Variants in CAMKMT observed in about 807,000 individuals in gnomAD.
CAMKMT encodes the protein CaM KMT.
In CAMKMT, 53 loss-of-function variants were observed where a neutral mutation model predicts 48.0. The observed-to-expected ratio is 1.10, with a 90% CI of 0.89 to 1.39. The LOEUF (loss-of-function observed/expected upper bound fraction) is 1.39, where lower values mean the gene tolerates loss of function less well. CAMKMT is among the 40% of genes most tolerant of loss of function. The pLI, the probability that CAMKMT is intolerant of heterozygous loss-of-function variation, is 0.00. For synonymous variants in CAMKMT, 165 were observed against 152.3 expected, an observed-to-expected ratio of 1.08 and a Z score of -0.61; for missense variants, 428 against 402.7, an observed-to-expected ratio of 1.06 and a Z score of -0.54.
intron 7 of CAMKMT, among the ~76,000 whole-genome samples, chr2:44,725,007 C>T (rs1256865367): frequency 6.6e-6 from 1 of 152,156 alleles, no homozygotes; most frequent in African/African-American, 2.4e-5. Flanking sequence ...ATGCAAGGGA[C>T]AGTTCACCAC....
chr2:44,698,357 C>A (rs933442765), intron 3 of CAMKMT, among the ~76,000 whole-genome samples: 6 of 152,106 alleles, frequency 3.9e-5, no homozygotes, highest in African/African-American at 7.2e-5. Context: ...AACATGTGGT[C>A]CTTTGTAACT....
In CAMKMT at chr2:44,557,021, T is replaced by C. The variant is rs189192535; in HGVS notation, c.377-147262T>C. ...GCTGGAATGCAACAGCATGCAAAAG[T>C]TTTATCTTTTTTACTTTCACCTATG... On this transcript the variant is annotated intron_variant, in intron 3 of 10. Transcript: ENST00000378494. Among the ~76,000 whole-genome samples, 22 of 152,234 alleles carry C rather than the reference T, an allele frequency of 1.4e-4. No homozygotes were observed. The East Asian group carries it at 3.9e-3, about 27-fold the overall frequency.
At chr2:44,545,013 C>G (rs1667319068) in intron 3 of CAMKMT, among the ~76,000 whole-genome samples, 1 of 152,154 alleles carries the variant, frequency 6.6e-6, no homozygotes, top group Admixed American at 6.5e-5. Flanking sequence ...ACATAATACA[C>G]TGGTCCAAAC....
At chr2:44,762,338 G>T (rs1680651984) in intron 9 of CAMKMT, among the ~76,000 whole-genome samples, 1 of 152,130 alleles carries the variant, frequency 6.6e-6, no homozygotes. Context: ...TGACAACAAA[G>T]AAATAGAAAA....
At chr2:44,512,840 C>T (rs1392794019) in intron 3 of CAMKMT, among the ~76,000 whole-genome samples, 2 of 118,942 alleles carry the variant, frequency 1.7e-5, no homozygotes, top group Non-Finnish European at 4.0e-5. Context: ...AACTTCCATT[C>T]TCAAAGCAAA....
intron 3 of CAMKMT, among the ~76,000 whole-genome samples, chr2:44,664,983 C>A (rs560365103): frequency 6.6e-6 from 1 of 152,278 alleles, no homozygotes; most frequent in East Asian, 1.9e-4. Context: ...TGCTACCCCC[C>A]AGGAATTCTG....
At chr2:44,686,602 G>GA (rs1212425845) in intron 3 of CAMKMT, among the ~76,000 whole-genome samples, 4 of 151,912 alleles carry the variant, frequency 2.6e-5, no homozygotes, top group South Asian at 2.1e-4. Flanking sequence ...CTTATTTAAA[G>GA]AAAAAAAATG....
chr2:44,376,773 A>G (rs1679739236), intron 2 of CAMKMT, among the ~76,000 whole-genome samples: 2 of 152,188 alleles, frequency 1.3e-5, no homozygotes, highest in Admixed American at 1.3e-4. Context: ...TCAGCCTTAC[A>G]TGATAATAAT....
At chr2:44,496,808 A>C (rs1259392160) in intron 3 of CAMKMT, among the ~76,000 whole-genome samples, 2 of 152,226 alleles carry the variant, frequency 1.3e-5, no homozygotes, top group Non-Finnish European at 2.9e-5. Context: ...GCTTAGTTCT[A>C]CTGGGTATTT....
chr2:44,364,449 A>G (rs573233624), intron 1 of CAMKMT, among the ~76,000 whole-genome samples: 1 of 152,186 alleles, frequency 6.6e-6, no homozygotes, highest in South Asian at 2.1e-4. Context: ...ATATTATTTT[A>G]TGATCATGTG....
At chr2:44,692,539 A>T (rs898568627) in intron 3 of CAMKMT, among the ~76,000 whole-genome samples, 1 of 152,186 alleles carries the variant, frequency 6.6e-6, no homozygotes, top group Non-Finnish European at 1.5e-5. Flanking sequence ...TATTTAGGCA[A>T]AGGCCTTGTT....
At chr2:44,626,150 A>T (rs530940578) in intron 3 of CAMKMT, among the ~76,000 whole-genome samples, 1 of 152,194 alleles carries the variant, frequency 6.6e-6, no homozygotes, top group Non-Finnish European at 1.5e-5. Context: ...CTTTTGATCC[A>T]TAATAATGAT....
At chr2:44,757,263 G>A (rs549895577) in intron 9 of CAMKMT, among the ~76,000 whole-genome samples, 45 of 152,282 alleles carry the variant, frequency 3.0e-4, no homozygotes, top group African/African-American at 9.6e-4. Context: ...CTCTGGAACC[G>A]CCTCTTGCTC....
intron 3 of CAMKMT, among the ~76,000 whole-genome samples, chr2:44,540,681 G>T (rs145807935): frequency 1.3e-5 from 2 of 152,204 alleles, no homozygotes; most frequent in East Asian, 3.9e-4. Context: ...ACCCTGGAAG[G>T]GCAAGGCTGC....
At chr2:44,768,545 T>G (rs1035211116) in intron 10 of CAMKMT, among the ~76,000 whole-genome samples, 2 of 151,784 alleles carry the variant, frequency 1.3e-5, no homozygotes, top group African/African-American at 4.8e-5. Flanking sequence ...GCCGGAGCAG[T>G]GAGCCGGGGG....
chr2:44,629,297 G>A (rs961711904), intron 3 of CAMKMT, among the ~76,000 whole-genome samples: 2 of 151,896 alleles, frequency 1.3e-5, no homozygotes, highest in African/African-American at 2.4e-5. Flanking sequence ...AGTAATATTT[G>A]TTCTTTGAAG....
At chr2:44,409,206 T>G (rs1683022436) in intron 3 of CAMKMT, among the ~76,000 whole-genome samples, 1 of 144,452 alleles carries the variant, frequency 6.9e-6, no homozygotes, top group Non-Finnish European at 1.5e-5. Flanking sequence ...TAAAGACAAC[T>G]AGCCAAAATT....
chr2:44,694,237 G>C (rs940106968), intron 3 of CAMKMT, among the ~76,000 whole-genome samples: 3 of 152,190 alleles, frequency 2.0e-5, no homozygotes, highest in African/African-American at 7.2e-5. Flanking sequence ...GTTAATCATA[G>C]TTGTGCTGTT....
At chr2:44,379,849 G>A (rs747792564) in intron 2 of CAMKMT, among the ~76,000 whole-genome samples, 13 of 151,194 alleles carry the variant, frequency 8.6e-5, no homozygotes, top group Non-Finnish European at 1.8e-4. Flanking sequence ...TATTGTCAGA[G>A]TTATTTTTAT....
Sources: allele counts gnomAD v4.1 joint callset (sites outside exome capture counted in the v4.1 genomes callset), GRCh38; gene constraint gnomAD v4.1.1; transcripts MANE v1.5; gene names NCBI Gene and HGNC (gene_info 2026-07-23, HGNC 2026-07-21).